RIMS2: variants seen among roughly 807,000 people sequenced by gnomAD.
The protein encoded by RIMS2 is regulating synaptic membrane exocytosis 2.
RIMS2 carries 59 observed loss-of-function variants against 174.4 expected under a neutral mutation model. The observed-to-expected ratio is 0.34, with a 90% CI of 0.27 to 0.42. The LOEUF (loss-of-function observed/expected upper bound fraction) is 0.42, where lower values mean the gene tolerates loss of function less well. RIMS2 is among the 10% of genes least tolerant of loss of function. The pLI is 1.00. For missense variants in RIMS2, 1,620 were observed against 1,666.3 expected, an observed-to-expected ratio of 0.97 and a Z score of 0.48; for synonymous variants, 606 against 572.5, an observed-to-expected ratio of 1.06 and a Z score of -0.84.
chr8:103,765,671 G>A (rs12541956), intron 2 of RIMS2, among the ~76,000 whole-genome samples: 2 of 150,992 alleles, frequency 1.3e-5, no homozygotes, highest in Non-Finnish European at 3.0e-5. Context: ...ATATAATTGC[G>A]GTTAGAATGT....
intron 19 of RIMS2, among the ~76,000 whole-genome samples, chr8:104,208,196 A>T (rs916483611): frequency 2.6e-5 from 4 of 152,200 alleles, no homozygotes; most frequent in African/African-American, 2.4e-5. Flanking sequence ...CTTGAAAAAT[A>T]CGTTTGGTAG....
rs973494172 is a variant in RIMS2 at position 104,050,506 on chromosome 8, A to G, written c.3334+35891A>G. Among the ~76,000 whole-genome samples, 8 of 152,212 alleles carry G rather than the reference A, an allele frequency of 5.3e-5. No homozygotes were observed. The East Asian group carries it at 1.5e-3, about 29-fold the overall frequency. ...AACCAGAAGACTAAACCAGAAGAGT[A>G]AGAAGAAACCAGCTATGTAAAGTAG... On this transcript the variant is annotated intron_variant, in intron 19 of 23. Transcript: ENST00000504942.
intron 3 of RIMS2, among the ~76,000 whole-genome samples, chr8:103,786,887 T>G (rs939450378): frequency 1.3e-5 from 2 of 152,026 alleles, no homozygotes; most frequent in Non-Finnish European, 2.9e-5. Context: ...AGTCTCCCAT[T>G]ATTAATGTGT....
chr8:103,539,863 A>G (rs1034908981), intron 1 of RIMS2, among the ~76,000 whole-genome samples: 2 of 152,232 alleles, frequency 1.3e-5, no homozygotes, highest in African/African-American at 4.8e-5. Flanking sequence ...CATTCCAGAC[A>G]TTGGAGCCAT....
chr8:104,222,212 T>G (rs750707842), intron 19 of RIMS2, among the ~76,000 whole-genome samples: 7 of 152,218 alleles, frequency 4.6e-5, no homozygotes, highest in Non-Finnish European at 7.3e-5. Context: ...CCCCTGCAAC[T>G]AAAATGTAAG....
At chr8:103,802,241 A>C (rs2098614933) in intron 3 of RIMS2, among the ~76,000 whole-genome samples, 1 of 152,164 alleles carries the variant, frequency 6.6e-6, no homozygotes, top group Admixed American at 6.5e-5. Context: ...TAACAACATA[A>C]AATTTAATAA....
intron 1 of RIMS2, among the ~76,000 whole-genome samples, chr8:103,645,845 A>G (rs2096317137): frequency 6.6e-6 from 1 of 152,154 alleles, no homozygotes; most frequent in Non-Finnish European, 1.5e-5. Context: ...AAAATGAATA[A>G]TATTAATTTC....
At chr8:104,146,871 CT>C (rs2098644894) in intron 19 of RIMS2, among the ~76,000 whole-genome samples, 1 of 151,792 alleles carries the variant, frequency 6.6e-6, no homozygotes, top group Non-Finnish European at 1.5e-5. Context: ...TAATTTTTTA[CT>C]TTTTTGTAAA....
At chr8:103,604,425 G>A (rs1265216893) in intron 1 of RIMS2, among the ~76,000 whole-genome samples, 1 of 152,106 alleles carries the variant, frequency 6.6e-6, no homozygotes, top group Non-Finnish European at 1.5e-5. Context: ...TTTGAAGTCA[G>A]GTAGTGTGAT....
intron 2 of RIMS2, among the ~76,000 whole-genome samples, chr8:103,755,373 A>G (rs1192615020): frequency 6.6e-6 from 1 of 151,586 alleles, no homozygotes; most frequent in Non-Finnish European, 1.5e-5. Context: ...TTTTTCCTTC[A>G]TTTCAACCTT....
At chr8:103,984,209 G>C (rs1424028100) in intron 16 of RIMS2, among the ~76,000 whole-genome samples, 2 of 151,852 alleles carry the variant, frequency 1.3e-5, no homozygotes, top group Admixed American at 1.3e-4. Context: ...AGACAAAAGG[G>C]ATCATATCAA....
intron 3 of RIMS2, among the ~76,000 whole-genome samples, chr8:103,829,524 G>A (rs1403398563): frequency 6.6e-6 from 1 of 152,172 alleles, no homozygotes; most frequent in Non-Finnish European, 1.5e-5. Flanking sequence ...GAAATATACA[G>A]CCATAGAAAG....
intron 3 of RIMS2, among the ~76,000 whole-genome samples, chr8:103,834,630 C>T (rs956507829): frequency 2.6e-5 from 4 of 151,214 alleles, no homozygotes; most frequent in African/African-American, 9.7e-5. Flanking sequence ...TGTTTTTGCT[C>T]GAACTCCTTC....
intron 3 of RIMS2, among the ~76,000 whole-genome samples, chr8:103,832,839 T>G (rs2098834376): frequency 6.6e-6 from 1 of 152,236 alleles, no homozygotes; most frequent in Admixed American, 6.5e-5. Context: ...ACAATCTATT[T>G]AGTGTTTATA....
At chr8:103,660,670 T>C (rs1280100167) in intron 1 of RIMS2, among the ~76,000 whole-genome samples, 1 of 152,230 alleles carries the variant, frequency 6.6e-6, no homozygotes, top group Non-Finnish European at 1.5e-5. Flanking sequence ...TGGACATAGA[T>C]GTGTTTCCAG....
In RIMS2 at chr8:103,837,940, CTTT is replaced by C. The variant is rs34876587; in HGVS notation, c.699-47343_699-47341del. Among the ~76,000 whole-genome samples the C allele has an allele frequency of 9.0e-4, 122 of 135,716 alleles. 1 individual carries two copies. The highest frequency in any genetic ancestry group is 1.2e-3 in the Non-Finnish European group (79 of 63,352). The allele number at this position is 135,716 out of a possible 152,430, so 89.0% of individuals were successfully genotyped here. On this transcript the variant is annotated intron_variant, in intron 3 of 23. Transcript: ENST00000504942. The stretch of plus-strand genomic sequence containing the variant: ...CCGCATTTTCTTTTTCTTTCTTTCT[CTTT>C]TTTTTTTTTTTTTTCTGAGACAGTG...
At chr8:103,754,226 T>G (rs923834488) in intron 2 of RIMS2, among the ~76,000 whole-genome samples, 7 of 152,232 alleles carry the variant, frequency 4.6e-5, no homozygotes, top group African/African-American at 1.7e-4. Context: ...AGTTTCCATG[T>G]AGTTGAGCGG....
At chr8:103,922,563 C>G in intron 10 of RIMS2, 4 of 329,696 alleles carry the variant, frequency 1.2e-5, no homozygotes, top group East Asian at 9.1e-5. Flanking sequence ...TTGTTGATTA[C>G]TAAACTTGAA....
intron 10 of RIMS2, 136 bp downstream of exon 13, chr8:103,921,920 AT>A (rs1246745662): frequency 9.3e-6 from 4 of 428,710 alleles, no homozygotes; most frequent in Admixed American, 4.0e-5. Context: ...CATTCTTTTA[AT>A]TTTTGAAATC....
Sources: allele counts gnomAD v4.1 joint callset (sites outside exome capture counted in the v4.1 genomes callset), GRCh38; gene constraint gnomAD v4.1.1; transcripts MANE v1.5; gene names NCBI Gene and HGNC (gene_info 2026-07-23, HGNC 2026-07-21).